GIPC2: variants seen among roughly 807,000 people sequenced by gnomAD.
GIPC2 encodes GIPC PDZ domain containing family member 2, also known as PDZ domain-containing protein GIPC2.
Under a neutral mutation model 30.6 loss-of-function variants are expected in GIPC2, and 30 were observed. The ratio of observed to expected loss-of-function variants is 0.98; its 90% CI spans 0.73 to 1.33. The LOEUF is 1.33. Ranked by LOEUF, GIPC2 falls within the 40% of genes most tolerant of loss-of-function variation. The probability of loss-of-function intolerance (pLI) is 0.00; values close to 1 mark genes in which losing one functional copy is unlikely to be tolerated. For synonymous variants in GIPC2, 167 were observed against 150.0 expected (o/e 1.11, Z -0.83); for missense variants, 414 against 390.3 (o/e 1.06, Z -0.51).
chr1:78,117,264 G>A (rs1185009541), intron 3 of GIPC2, among the ~76,000 whole-genome samples: 1 of 152,208 alleles, frequency 6.6e-6, no homozygotes, highest in Non-Finnish European at 1.5e-5. Context: ...TGTCATGAGA[G>A]CTTTGCACAG....
intron 1 of GIPC2, among the ~76,000 whole-genome samples, chr1:78,047,917 C>T (rs1019753481): frequency 1.3e-5 from 2 of 152,206 alleles, no homozygotes; most frequent in African/African-American, 4.8e-5. Context: ...TCTTCTGATT[C>T]CTAAGCTAGT....
At chr1:78,133,750 TTGTG>T (rs3057089) in intron 5 of GIPC2, among the ~76,000 whole-genome samples, 63,986 of 145,620 alleles carry the variant, frequency 0.44, 15,438 homozygotes, top group Admixed American at 0.57. Context: ...GAAAAAAAAA[TTGTG>T]TGTGTGTGTG....
chr1:78,051,531 C>T (rs988471571), intron 1 of GIPC2, among the ~76,000 whole-genome samples: 5 of 152,060 alleles, frequency 3.3e-5, no homozygotes, highest in Non-Finnish European at 7.4e-5. Flanking sequence ...AATGGAGTCT[C>T]ACTCTGTTGC....
chr1:78,088,809 C>T (rs1027696802), intron 2 of GIPC2, among the ~76,000 whole-genome samples: 5 of 150,642 alleles, frequency 3.3e-5, no homozygotes, highest in Admixed American at 1.3e-4. Flanking sequence ...CATGCCACCA[C>T]TCTCAGCAAG....
intron 5 of GIPC2, among the ~76,000 whole-genome samples, chr1:78,132,264 T>TA (rs2100454666): frequency 6.6e-6 from 1 of 152,356 alleles, no homozygotes; most frequent in Admixed American, 6.5e-5. Flanking sequence ...GTGTAGGTAT[T>TA]ATCATTCTTA....
chr1:78,057,532 A>G (rs918531250), intron 1 of GIPC2, among the ~76,000 whole-genome samples: 1 of 152,220 alleles, frequency 6.6e-6, no homozygotes, highest in Admixed American at 6.5e-5. Flanking sequence ...CTGTGGAGAT[A>G]TTTCTTCCTG....
chr1:78,053,939 C>T (rs912446070), intron 1 of GIPC2, among the ~76,000 whole-genome samples: 4 of 151,734 alleles, frequency 2.6e-5, no homozygotes, highest in African/African-American at 9.7e-5. Context: ...AAACAAAAAC[C>T]TGCAAGGGGC....
At chr1:78,120,699 T>C (rs752581903) in intron 4 of GIPC2, among the ~76,000 whole-genome samples, 1 of 152,124 alleles carries the variant, frequency 6.6e-6, no homozygotes, top group African/African-American at 2.4e-5. Flanking sequence ...CAAGAAAGCA[T>C]GTACAGGGGA....
At chr1:78,074,125 T>C (rs1365921394) in intron 1 of GIPC2, among the ~76,000 whole-genome samples, 1 of 152,244 alleles carries the variant, frequency 6.6e-6, no homozygotes, top group Non-Finnish European at 1.5e-5. Flanking sequence ...GGAAAGTTCA[T>C]GCACTTTAAG....
At chr1:78,096,314 A>G (rs1662135462) in intron 3 of GIPC2, among the ~76,000 whole-genome samples, 1 of 152,194 alleles carries the variant, frequency 6.6e-6, no homozygotes, top group African/African-American at 2.4e-5. Flanking sequence ...TTGGTAACCT[A>G]ACTCCCCAGA....
chr1:78,082,774 A>G (rs1305536621), intron 2 of GIPC2, among the ~76,000 whole-genome samples: 2 of 152,220 alleles, frequency 1.3e-5, no homozygotes, highest in Non-Finnish European at 2.9e-5. Flanking sequence ...AGAGATGCAC[A>G]TTATACTGTA....
At chr1:78,127,450 TATC>T (rs1257398925) in intron 5 of GIPC2, among the ~76,000 whole-genome samples, 1 of 152,200 alleles carries the variant, frequency 6.6e-6, no homozygotes, top group Admixed American at 6.5e-5. Context: ...GGAATTTCCT[TATC>T]ATGCCAGCTA....
At chr1:78,094,623 G>A (rs1662102765) in intron 2 of GIPC2, among the ~76,000 whole-genome samples, 1 of 152,146 alleles carries the variant, frequency 6.6e-6, no homozygotes, top group African/African-American at 2.4e-5. Context: ...TCCCAGAGGA[G>A]GTGGTGTATG....
At chr1:78,093,671 A>G (rs987680248) in intron 2 of GIPC2, among the ~76,000 whole-genome samples, 4 of 152,226 alleles carry the variant, frequency 2.6e-5, no homozygotes, top group African/African-American at 7.2e-5. Flanking sequence ...ACAATGATCA[A>G]TCACCCTGCT....
At chr1:78,073,877 G>A (rs1054866526) in intron 1 of GIPC2, among the ~76,000 whole-genome samples, 6 of 152,148 alleles carry the variant, frequency 3.9e-5, no homozygotes, top group South Asian at 2.1e-4. Flanking sequence ...GGCTCTGTGC[G>A]ATAGTTCAAA....
At chr1:78,092,115 A>T in intron 2 of GIPC2, 2 of 1,057,156 alleles carry the variant, frequency 1.9e-6, no homozygotes, top group Non-Finnish European at 2.9e-6. Flanking sequence ...TATATGGAAA[A>T]GTAGCAGGGT....
At chr1:78,132,665 A>ATGCGTGTGTG (rs1553146047) in intron 5 of GIPC2, among the ~76,000 whole-genome samples, 1 of 142,608 alleles carries the variant, frequency 7.0e-6, no homozygotes, top group Non-Finnish European at 1.5e-5. Context: ...ATAGCCAAGG[A>ATGCGTGTGTG]TGTGTGTGTG....
Position 78,095,142 on chromosome 1 carries a change from G to T in GIPC2, c.607+10G>T. 6.3e-7 allele frequency: 1 copy of T among 1,599,432 alleles called. No homozygotes were observed. Among genetic ancestry groups the T allele is most frequent in the Non-Finnish European group, 8.6e-7 (1 of 1,167,984 alleles). On this transcript the variant is annotated intron_variant, in intron 3 of 5. Coordinates refer to ENST00000370759, the MANE Select transcript of GIPC2 (RefSeq NM_017655.6). ...CCTAAGAAGGCATTTGGTAAGTCAG[G>T]GGTTGGTGGGCGGGTGTGTGAAATG... is the stretch of plus-strand genomic sequence containing the variant.
At chr1:78,115,176 AT>A (rs11347153) in intron 3 of GIPC2, among the ~76,000 whole-genome samples, 5,090 of 150,536 alleles carry the variant, frequency 0.034, 107 homozygotes, top group South Asian at 0.08. Flanking sequence ...TTTTATTTTT[AT>A]TTTTTTTTCA....
Sources: gnomAD v4.1 joint callset for allele counts (sites outside exome capture counted in the v4.1 genomes callset) on GRCh38, gnomAD v4.1.1 for gene constraint, MANE v1.5 for transcripts, NCBI Gene and HGNC (gene_info 2026-07-23, HGNC 2026-07-21) for gene names.